SERPINE2: variants seen among roughly 807,000 people sequenced by gnomAD.
SERPINE2 encodes the protein glia-derived nexin.
A neutral mutation model predicts 36.3 loss-of-function variants in SERPINE2; 14 were observed. The observed-to-expected ratio is 0.39, with a 90% CI of 0.25 to 0.60. SERPINE2 has a LOEUF of 0.60. Among genes scored for constraint, SERPINE2 ranks in the 20% least tolerant of loss-of-function variants. SERPINE2 has a pLI of 0.57. For synonymous variants in SERPINE2, 192 were observed against 191.8 expected, an observed-to-expected ratio of 1.00 and a Z score of -0.01; for missense variants, 418 against 499.6, an observed-to-expected ratio of 0.84 and a Z score of 1.56.
chr2:224,006,095 C>T (rs1362838911), intron 1 of SERPINE2, among the ~76,000 whole-genome samples: 1 of 152,174 alleles, frequency 6.6e-6, no homozygotes, highest in Non-Finnish European at 1.5e-5. Context: ...ATAACCCTAA[C>T]ATTTATAAAT....
rs1690062450 is a variant in SERPINE2 at position 223,977,614 on chromosome 2, A to G, written c.1086T>C (p.Ile362=). 1.2e-6 allele frequency: 2 copies of G among 1,612,496 alleles called. No homozygotes were observed. The highest frequency in any genetic ancestry group is 8.5e-7 in the Non-Finnish European group (1 of 1,178,658). Residue 362 remains isoleucine (I), a synonymous_variant, in exon 8 of 9, where the codon ATT becomes ATC. Coordinates refer to ENST00000409304, the MANE Select transcript of SERPINE2 (RefSeq NM_001136528.2). ...KASAATTAIL[I]ARSSPPWFIV... ...TAAACCAGGGAGGCGATGATCTTGCAATGAGAATTGCAGCTACGGGAAGAA... is the reference window on the plus strand; with the variant it reads ...TAAACCAGGGAGGCGATGATCTTGCGATGAGAATTGCAGCTACGGGAAGAA...
intron 1 of SERPINE2, among the ~76,000 whole-genome samples, chr2:224,023,672 A>T (rs570356585): frequency 1.3e-5 from 2 of 152,348 alleles, no homozygotes; most frequent in South Asian, 4.1e-4. Flanking sequence ...CAAATATATC[A>T]AAGGTGTCAT....
intron 1 of SERPINE2, among the ~76,000 whole-genome samples, chr2:224,007,291 A>G (rs1691460307): frequency 1.3e-5 from 2 of 152,202 alleles, no homozygotes; most frequent in African/African-American, 4.8e-5. Flanking sequence ...TAATGAAGGA[A>G]AAGTTCTCCA....
intron 5 of SERPINE2, among the ~76,000 whole-genome samples, chr2:223,983,034 G>C (rs542331194): frequency 6.6e-6 from 1 of 152,064 alleles, no homozygotes; most frequent in South Asian, 2.1e-4. Context: ...AGGTGTAATG[G>C]GCCCCCTGTT....
intron 1 of SERPINE2, among the ~76,000 whole-genome samples, chr2:224,032,798 T>C (rs1017262316): frequency 5.9e-5 from 9 of 152,230 alleles, no homozygotes; most frequent in African/African-American, 2.2e-4. Context: ...AGGACATGTT[T>C]GCCAAAACAT....
intron 1 of SERPINE2, among the ~76,000 whole-genome samples, chr2:224,007,772 G>C (rs188886308): frequency 9.2e-5 from 14 of 152,102 alleles, no homozygotes; most frequent in African/African-American, 2.9e-4. Flanking sequence ...TTTAACCTTG[G>C]AATTTTTTCT....
chr2:223,992,033 A>AAC, intron 3 of SERPINE2, 33 bp from the exon 4 acceptor site: 1 of 1,601,356 alleles, frequency 6.2e-7, no homozygotes, highest in Non-Finnish European at 8.5e-7. Flanking sequence ...AGGGAAAAAT[A>AAC]ACCTCAGGAC....
intron 1 of SERPINE2, among the ~76,000 whole-genome samples, chr2:224,014,298 C>T (rs1483798948): frequency 1.3e-5 from 2 of 151,978 alleles, no homozygotes; most frequent in African/African-American, 4.8e-5. Flanking sequence ...TCACTAGAAC[C>T]GAGGAGGCAG....
intron 1 of SERPINE2, among the ~76,000 whole-genome samples, chr2:224,026,095 T>C (rs1692172271): frequency 6.6e-6 from 1 of 152,218 alleles, no homozygotes; most frequent in Non-Finnish European, 1.5e-5. Context: ...CAGTCCTCCA[T>C]GATCTTTCTG....
chr2:223,976,712 T>C (rs1000426423), intron 8 of SERPINE2, among the ~76,000 whole-genome samples: 1 of 152,234 alleles, frequency 6.6e-6, no homozygotes, highest in African/African-American at 2.4e-5. Flanking sequence ...TCAGCACTAC[T>C]GTTGTCCTCA....
chr2:224,019,765 TAA>T (rs778718363), intron 1 of SERPINE2, among the ~76,000 whole-genome samples: 9 of 137,688 alleles, frequency 6.5e-5, no homozygotes, highest in African/African-American at 1.6e-4. Context: ...TTTTTTTTTT[TAA>T]AAAAAAAAAA....
At chr2:223,996,087 G>T (rs1690876943) in intron 3 of SERPINE2, among the ~76,000 whole-genome samples, 1 of 152,198 alleles carries the variant, frequency 6.6e-6, no homozygotes, top group Non-Finnish European at 1.5e-5. Flanking sequence ...GGCTGACAGG[G>T]CTGCAAAGTG....
chr2:224,010,433 C>T, intron 1 of SERPINE2: 1 of 902,092 alleles, frequency 1.1e-6, no homozygotes, highest in Non-Finnish European at 1.3e-6. Flanking sequence ...ACTCTGACAT[C>T]AAGTGCCTTT....
intron 1 of SERPINE2, among the ~76,000 whole-genome samples, chr2:224,009,243 C>T (rs1374097199): frequency 6.6e-6 from 1 of 152,152 alleles, no homozygotes; most frequent in Admixed American, 6.5e-5. Flanking sequence ...AAAGTCTCGC[C>T]ATCCTTCTAG....
chr2:224,031,033 C>CA, intron 1 of SERPINE2: 2 of 985,428 alleles, frequency 2.0e-6, no homozygotes, highest in Non-Finnish European at 2.4e-6. Context: ...CTAGGGCTAT[C>CA]ACGCAGCACG....
rs114898605 is a variant in SERPINE2 at position 224,015,326 on chromosome 2, G to A, written c.-22-13404C>T. On this transcript the variant is annotated intron_variant, in intron 1 of 8. Transcript: ENST00000409304. Reference sequence around the variant, plus strand: ...AGAATGGAAGCAGAGGCACACCTGGGCCAGGGTGAGAGGCAGTGGCCAGGG... The same window carrying A: ...AGAATGGAAGCAGAGGCACACCTGGACCAGGGTGAGAGGCAGTGGCCAGGG... 3.2e-3 allele frequency among the ~76,000 whole-genome samples: 487 copies of A among 152,322 alleles called. 7 individuals carry two copies. Among genetic ancestry groups the A allele is most frequent in the African/African-American group, 0.011 (453 of 41,568 alleles).
intron 1 of SERPINE2, among the ~76,000 whole-genome samples, chr2:224,029,170 GT>G (rs1692279968): frequency 6.6e-6 from 1 of 152,132 alleles, no homozygotes; most frequent in Non-Finnish European, 1.5e-5. Flanking sequence ...ATTAGCACAG[GT>G]TTGGCATAAG....
intron 1 of SERPINE2, among the ~76,000 whole-genome samples, chr2:224,005,096 T>TATATATAA (rs1251441985): frequency 2.3e-5 from 3 of 132,022 alleles, no homozygotes; most frequent in African/African-American, 9.0e-5. Flanking sequence ...TATATATATA[T>TATATATAA]AAAACATTGT....
At chr2:224,013,146 T>C (rs1305542961) in intron 1 of SERPINE2, among the ~76,000 whole-genome samples, 1 of 152,232 alleles carries the variant, frequency 6.6e-6, no homozygotes, top group Admixed American at 6.5e-5. Flanking sequence ...ACCTGGTATA[T>C]AGTAGTAACT....
Sources: allele counts gnomAD v4.1 joint callset (sites outside exome capture counted in the v4.1 genomes callset), GRCh38; gene constraint gnomAD v4.1.1; transcripts MANE v1.5; gene names NCBI Gene and HGNC (gene_info 2026-07-23, HGNC 2026-07-21).